WSCD2: variants seen among roughly 807,000 people sequenced by gnomAD.
The protein encoded by WSCD2 is WSC domain sialate O sulfotransferase 2.
Under a neutral mutation model 55.7 loss-of-function variants are expected in WSCD2, and 28 were observed. The ratio of observed to expected loss-of-function variants is 0.50; its 90% CI spans 0.37 to 0.69. The LOEUF (loss-of-function observed/expected upper bound fraction) is 0.69, where lower values mean the gene tolerates loss of function less well. Among genes scored for constraint, WSCD2 ranks in the 30% least tolerant of loss-of-function variants. WSCD2 has a pLI of 0.00. For missense variants in WSCD2, 616 were observed against 762.1 expected, an observed-to-expected ratio of 0.81 and a Z score of 2.26; for synonymous variants, 301 against 301.9, an observed-to-expected ratio of 1.00 and a Z score of 0.03.
chr12:108,245,783 A>T (rs574501769), intron 8 of WSCD2, among the ~76,000 whole-genome samples: 1 of 152,348 alleles, frequency 6.6e-6, no homozygotes. Context: ...ACTCAGATAC[A>T]TCTGGTCTTA....
chr12:108,233,096 T>C, intron 7 of WSCD2: 1 of 608,332 alleles, frequency 1.6e-6, no homozygotes, highest in Non-Finnish European at 2.8e-6. Flanking sequence ...AGTCATGTCC[T>C]GGATACTCCA....
chr12:108,131,095 C>T (rs11615562), intron 1 of WSCD2, among the ~76,000 whole-genome samples: 33,071 of 151,942 alleles, frequency 0.22, 3,738 homozygotes, highest in African/African-American at 0.25. Context: ...CGATCTCAGG[C>T]CAAGTTAGAG....
At chr12:108,143,231 G>A (rs1293667489) in intron 1 of WSCD2, among the ~76,000 whole-genome samples, 2 of 152,160 alleles carry the variant, frequency 1.3e-5, no homozygotes, top group Non-Finnish European at 2.9e-5. Flanking sequence ...TTATATTGTG[G>A]CATCTGAAAG....
At chr12:108,150,677 A>ATCTAAT (rs1877894374) in intron 1 of WSCD2, among the ~76,000 whole-genome samples, 1 of 152,164 alleles carries the variant, frequency 6.6e-6, no homozygotes, top group Non-Finnish European at 1.5e-5. Flanking sequence ...GTCGGTGCTC[A>ATCTAAT]GTGTATGCTT....
chr12:108,247,850 C>T lies in WSCD2; in HGVS notation c.1346-141C>T, dbSNP rs1890194990. On this transcript the variant is annotated intron_variant, in intron 8 of 8. Coordinates refer to ENST00000547525, the MANE Select transcript of WSCD2 (RefSeq NM_014653.4). Reference sequence around the variant, plus strand: ...GGGATTATAGGTGTGAGCCACCTCACCTGGCCTGTATTATTACAGTTAATT... The same window carrying T: ...GGGATTATAGGTGTGAGCCACCTCATCTGGCCTGTATTATTACAGTTAATT... The T allele has an allele frequency of 3.9e-5, 39 of 997,284 alleles. No homozygotes were observed. In the South Asian group the frequency reaches 6.1e-4, roughly 16 times the overall value. The allele number at this position is 997,284 out of a possible 1,614,324, so 61.8% of individuals were successfully genotyped here. A position where few individuals can be genotyped will look rare whatever the true frequency, so the allele number is the denominator to read the frequency against.
chr12:108,166,919 C>G (rs2136957133), intron 1 of WSCD2, among the ~76,000 whole-genome samples: 1 of 151,072 alleles, frequency 6.6e-6, no homozygotes, highest in South Asian at 2.1e-4. Flanking sequence ...CCAAGTGATT[C>G]TCCTGCCTCA....
intron 4 of WSCD2, 63 bp from the exon 5 acceptor site, chr12:108,224,676 G>GT: frequency 1.9e-6 from 3 of 1,561,554 alleles, no homozygotes; most frequent in Non-Finnish European, 2.6e-6. Flanking sequence ...TCAGAATGTG[G>GT]TTTTCCCAAC....
chr12:108,239,299 C>G (rs981089762), intron 7 of WSCD2, among the ~76,000 whole-genome samples: 4 of 152,180 alleles, frequency 2.6e-5, no homozygotes, highest in South Asian at 2.1e-4. Context: ...GTAAGTTTCT[C>G]CTCATTTTTC....
At chr12:108,170,632 T>C (rs1311828774) in intron 1 of WSCD2, among the ~76,000 whole-genome samples, 1 of 152,222 alleles carries the variant, frequency 6.6e-6, no homozygotes, top group East Asian at 1.9e-4. Context: ...TCAGTGACCC[T>C]ATCTATAAAA....
At chr12:108,240,252 T>G in intron 7 of WSCD2, 92 bp from the exon 8 acceptor site, 1 of 1,496,732 alleles carries the variant, frequency 6.7e-7, no homozygotes, top group Non-Finnish European at 9.2e-7. Flanking sequence ...AACAAATGCA[T>G]GAGGATTCCC....
At chr12:108,204,049 C>G (rs1885029396) in intron 2 of WSCD2, among the ~76,000 whole-genome samples, 1 of 152,208 alleles carries the variant, frequency 6.6e-6, no homozygotes, top group Admixed American at 6.5e-5. Context: ...AGATTTGCTT[C>G]TAAGGTAAAC....
chr12:108,170,698 C>A (rs937797905), intron 1 of WSCD2, among the ~76,000 whole-genome samples: 2 of 152,132 alleles, frequency 1.3e-5, no homozygotes, highest in Non-Finnish European at 2.9e-5. Flanking sequence ...TGACATGATG[C>A]CAGCGTTCAA....
chr12:108,209,404 A>G (rs914677777), intron 3 of WSCD2, among the ~76,000 whole-genome samples: 6 of 151,984 alleles, frequency 3.9e-5, no homozygotes, highest in African/African-American at 1.5e-4. Context: ...GACTCTGGAG[A>G]GATGAATGTC....
intron 1 of WSCD2, among the ~76,000 whole-genome samples, chr12:108,130,157 G>A (rs187600076): frequency 2.6e-5 from 4 of 152,276 alleles, no homozygotes; most frequent in Non-Finnish European, 4.4e-5. Context: ...GGGACATTCC[G>A]GCTCATCCAG....
At chr12:108,247,831 A>T in intron 8 of WSCD2, among the ~76,000 whole-genome samples, 160 bp from the exon 9 acceptor site, 1 of 152,244 alleles carries the variant, frequency 6.6e-6, no homozygotes. Flanking sequence ...TGCTGGGATT[A>T]TAGGTGTGAG....
chr12:108,173,593 T>C (rs1880470971), intron 1 of WSCD2, among the ~76,000 whole-genome samples: 1 of 151,618 alleles, frequency 6.6e-6, no homozygotes, highest in Non-Finnish European at 1.5e-5. Context: ...AAGTCACCTG[T>C]GGACTGATTG....
intron 6 of WSCD2, among the ~76,000 whole-genome samples, chr12:108,227,533 C>T (rs11613212): frequency 0.15 from 22,173 of 152,200 alleles, 1,719 homozygotes; most frequent in Middle Eastern, 0.17. Flanking sequence ...TAAAATGAAG[C>T]TGTAGACTGT....
rs556073995 is a variant in WSCD2 at position 108,219,029 on chromosome 12, C to T, written c.683-5710C>T. Among the ~76,000 whole-genome samples, 67 of 152,290 alleles carry T rather than the reference C, an allele frequency of 4.4e-4. 2 individuals carry two copies. The South Asian group carries it at 0.014, about 31-fold the overall frequency. On this transcript the variant is annotated intron_variant, in intron 4 of 8. Coordinates refer to ENST00000547525, the MANE Select transcript of WSCD2 (RefSeq NM_014653.4). ...GAGGGGATGGTTGGGAAATGTCAAA[C>T]CCCTGGTGGCATTGAGCTGGGCTCA...
intron 7 of WSCD2, among the ~76,000 whole-genome samples, chr12:108,236,171 T>C (rs911010546): frequency 6.6e-6 from 1 of 152,204 alleles, no homozygotes; most frequent in Non-Finnish European, 1.5e-5. Context: ...GAGTTTCTTT[T>C]CTTCTGCTAC....
Sources: allele counts gnomAD v4.1 joint callset (sites outside exome capture counted in the v4.1 genomes callset), GRCh38; gene constraint gnomAD v4.1.1; transcripts MANE v1.5; gene names NCBI Gene and HGNC (gene_info 2026-07-23, HGNC 2026-07-21).